The following DHPS variants were observed in gnomAD, a reference collection of about 807,000 sequenced individuals.
DHPS encodes the protein migration-inducing gene 13.
Under a neutral mutation model 38.7 loss-of-function variants are expected in DHPS, and 24 were observed. The observed-to-expected ratio is 0.62, with a 90% CI of 0.45 to 0.87. The LOEUF is 0.87. Among genes scored for constraint, DHPS ranks in the 40% least tolerant of loss-of-function variants. The probability of loss-of-function intolerance (pLI) is 0.00; values close to 1 mark genes in which losing one functional copy is unlikely to be tolerated. For synonymous variants in DHPS, 250 were observed against 204.4 expected (o/e 1.22, Z -1.90); for missense variants, 510 against 497.6 (o/e 1.02, Z -0.24).
chr19:12,673,558 T>C (rs1162658288), downstream of DHPS, among the ~76,000 whole-genome samples: 1 of 151,878 alleles, frequency 6.6e-6, no homozygotes, highest in Non-Finnish European at 1.5e-5. Flanking sequence ...GTTGGGATTA[T>C]AGGTGCGTGC....
At chr19:12,678,734 A>G (rs2024697248) in intron 5 of DHPS, among the ~76,000 whole-genome samples, 1 of 131,400 alleles carries the variant, frequency 7.6e-6, no homozygotes, top group Non-Finnish European at 1.5e-5. Flanking sequence ...ACACCATTAC[A>G]CTCCAGCCTG....
chr19:12,672,824 G>T (rs763882368), downstream of DHPS: 4 of 1,564,270 alleles, frequency 2.6e-6, no homozygotes, highest in Non-Finnish European at 3.5e-6. Context: ...CAAGGTTCCC[G>T]CTGGATCTAC....
rs761309007 is a variant in DHPS, at chr19:12,677,187, G to A, written c.809C>T (p.Ala270Val). ...VEDLRLINTQ[A>V]IFAKCTGMII... Reference sequence around the variant, plus strand: ...CATCCCAGTGCACTTGGCAAAGATGGCCTGTGTGTTGATGAGCCTCAGGTC... The same window carrying A: ...CATCCCAGTGCACTTGGCAAAGATGACCTGTGTGTTGATGAGCCTCAGGTC... Residue 270 changes from alanine to valine, a missense_variant, in exon 7 of 9, where the codon GCC becomes GTC. Physicochemically the swap from Ala to Val is moderately conservative, Grantham distance 64. Coordinates refer to ENST00000210060, the MANE Select transcript of DHPS (RefSeq NM_001930.4). 1 of 1,614,222 alleles carries A rather than the reference G, an allele frequency of 6.2e-7. No individual in the cohort carries two copies. Among genetic ancestry groups the A allele is most frequent in the Non-Finnish European group, 8.5e-7 (1 of 1,180,042 alleles).
chr19:12,676,227 TGA>T, intron 7 of DHPS, 85 bp from the exon 8 acceptor site: 6 of 1,459,614 alleles, frequency 4.1e-6, no homozygotes, highest in Non-Finnish European at 5.5e-6. Context: ...CCAAACAGGC[TGA>T]GAGGTGTGTC....
chr19:12,674,326 G>T (rs992304681), downstream of DHPS, among the ~76,000 whole-genome samples: 7 of 152,212 alleles, frequency 4.6e-5, no homozygotes, highest in Admixed American at 2.6e-4. Flanking sequence ...CTGGTGGGGA[G>T]TCAGGCCAGA....
At position 12,681,656 on chromosome 19, in the gene DHPS, G is replaced by A. The variant is rs2024819630; in HGVS notation, c.111C>T (p.Asn37=). The change falls in exon 1 of 9, where the codon AAC becomes AAT. Residue 37 remains asparagine, a synonymous_variant. Coordinates refer to ENST00000210060, the MANE Select transcript of DHPS (RefSeq NM_001930.4). ...GCAGTGCGCGGTAATTCACACCGCG[G>A]TTGAAGTCGTAGCCCCGGACCTGGG... ...ESTQVRGYDF[N]RGVNYRALLE... 9.9e-6 allele frequency: 16 copies of A among 1,614,234 alleles called. No individual in the cohort carries two copies. The East Asian group carries it at 3.6e-4, about 36-fold the overall frequency.
intron 1 of DHPS, 93 bp downstream of exon 1, chr19:12,681,467 C>T: frequency 7.1e-7 from 1 of 1,405,800 alleles, no homozygotes; most frequent in South Asian, 1.2e-5. Context: ...AAAGACATAT[C>T]CCCTCCACTG....
At chr19:12,680,042 A>C in intron 2 of DHPS, 119 bp downstream of exon 2, 1 of 1,554,158 alleles carries the variant, frequency 6.4e-7, no homozygotes, top group Non-Finnish European at 8.7e-7. Flanking sequence ...TACAAAACAA[A>C]ACTTGATTCT....
At chr19:12,672,991 C>T (rs1261314597), downstream of DHPS, 30 of 1,606,670 alleles carry the variant, frequency 1.9e-5, no homozygotes, top group Admixed American at 8.4e-5. Flanking sequence ...CACTCACCTA[C>T]CCACCCTTCC....
intron 1 of DHPS, among the ~76,000 whole-genome samples, 161 bp from the exon 2 acceptor site, chr19:12,680,486 C>T (rs2024769458): frequency 1.3e-5 from 2 of 151,942 alleles, no homozygotes; most frequent in African/African-American, 2.4e-5. Context: ...TAAACTCTGC[C>T]CCTTCCCAGA....
intron 1 of DHPS, 97 bp from the exon 2 acceptor site, chr19:12,680,422 C>T: frequency 7.5e-7 from 1 of 1,329,608 alleles, no homozygotes; most frequent in Non-Finnish European, 1.1e-6. Flanking sequence ...CCAGGCCCTG[C>T]ACATTCAGGG....
rs781176249 is a variant in DHPS at position 12,680,363 on chromosome 19, T to C, written c.208-38A>G. 6.8e-6 allele frequency: 11 copies of C among 1,611,708 alleles called. No homozygotes were observed. In the South Asian group the frequency reaches 1.1e-4, roughly 16 times the overall value. On this transcript the variant is annotated intron_variant, in intron 1 of 8. Coordinates refer to ENST00000210060, the MANE Select transcript of DHPS (RefSeq NM_001930.4). ...GCCAAGTCAAGTTAAGCACTGGCCT[T>C]AAATCCCAGACTCAGGACTCCAGGT...
At chr19:12,672,907 C>T (rs1391288345), downstream of DHPS, 10 of 1,598,874 alleles carry the variant, frequency 6.3e-6, no homozygotes, top group Non-Finnish European at 8.5e-6. Context: ...TCTCAGACTA[C>T]GTGGGCAGTG....
intron 5 of DHPS, among the ~76,000 whole-genome samples, chr19:12,679,162 A>G (rs57680473): frequency 0.14 from 20,973 of 151,964 alleles, 4,381 homozygotes; most frequent in African/African-American, 0.45. Flanking sequence ...GCTGGGCATG[A>G]TGGCATGTGC....
rs769371967 is a variant in DHPS at position 12,677,659 on chromosome 19, C to T, written c.679-263G>A. 4.6e-5 allele frequency among the ~76,000 whole-genome samples: 7 copies of T among 152,094 alleles called. No individual in the cohort carries two copies. In the East Asian group the frequency reaches 7.8e-4, roughly 17 times the overall value. On this transcript the variant is annotated intron_variant, in intron 5 of 8. Transcript: ENST00000210060. Reference sequence around the variant, plus strand: ...CTCTCTTTTTTTTTATTCCCTGAGACGGAGTTTCACTCGTTGCCCAGGCTG... The same window carrying T: ...CTCTCTTTTTTTTTATTCCCTGAGATGGAGTTTCACTCGTTGCCCAGGCTG...
Position 12,676,140 on chromosome 19 carries a change from C to A in DHPS, c.891G>T (p.Arg297=). ...TGTAAACAGCGTAGTCGGCCCCGTT[C>A]CGCTGTGGGGAGGCGGGGGCACGGT... ...KHHIANANLM[R]NGADYAVYIN... The change falls in exon 8 of 9, where the codon CGG becomes CGT. Residue 297 remains arginine (R), a splice_region_variant and synonymous_variant. Transcript: ENST00000210060. The A allele has an allele frequency of 6.2e-7, 1 of 1,608,848 alleles. No individual in the cohort carries two copies. Among genetic ancestry groups the A allele is most frequent in the Admixed American group, 1.7e-5 (1 of 59,666 alleles).
At chr19:12,677,433 G>T in intron 5 of DHPS, 37 bp from the exon 6 acceptor site, 2 of 1,567,514 alleles carry the variant, frequency 1.3e-6, no homozygotes, top group South Asian at 2.3e-5. Context: ...CTGGAGCTCA[G>T]AGCCTCGTCT....
In DHPS at chr19:12,675,789, A is replaced by C. The variant is rs185556580; in HGVS notation, c.*49T>G. 8,132 of 1,567,022 alleles carry C rather than the reference A, an allele frequency of 5.2e-3. 26 individuals carry two copies. Among genetic ancestry groups the C allele is most frequent in the Non-Finnish European group, 6.4e-3 (7,438 of 1,154,286 alleles). Reference sequence around the variant, plus strand: ...AAAGTAGGGGAGGGGCTGGGTCTGCAAATTAATAAATAGAAGAGGGGGTAA... The same window carrying C: ...AAAGTAGGGGAGGGGCTGGGTCTGCCAATTAATAAATAGAAGAGGGGGTAA... On this transcript the variant is annotated 3_prime_UTR_variant, in exon 9 of 9. Transcript: ENST00000210060.
downstream of DHPS, among the ~76,000 whole-genome samples, chr19:12,675,046 G>A (rs1485602404): frequency 2.0e-5 from 3 of 151,832 alleles, no homozygotes; most frequent in Admixed American, 6.6e-5. Context: ...CTAGGGAGTC[G>A]GAGGTTGCAG....
Sources: gnomAD v4.1 joint callset for allele counts (sites outside exome capture counted in the v4.1 genomes callset) on GRCh38, gnomAD v4.1.1 for gene constraint, MANE v1.5 for transcripts, NCBI Gene and HGNC (gene_info 2026-07-23, HGNC 2026-07-21) for gene names.